NRG1: variants seen among roughly 807,000 people sequenced by gnomAD.
The protein encoded by NRG1 is neuregulin 1, also known as pro-neuregulin-1, membrane-bound isoform.
A neutral mutation model predicts 63.8 loss-of-function variants in NRG1; 18 were observed. The observed-to-expected ratio is 0.28, with a 90% CI of 0.19 to 0.42. NRG1 has a LOEUF of 0.42. Among genes scored for constraint, NRG1 ranks in the 10% least tolerant of loss-of-function variants. NRG1 has a pLI of 1.00. For missense variants in NRG1, 762 were observed against 814.7 expected (o/e 0.94, Z 0.79); for synonymous variants, 302 against 301.3 (o/e 1.00, Z -0.02).
intron 1 of NRG1, among the ~76,000 whole-genome samples, chr8:32,174,929 T>A (rs1300959564): frequency 1.3e-5 from 2 of 152,210 alleles, no homozygotes; most frequent in Non-Finnish European, 2.9e-5. Flanking sequence ...CCATTCCTTC[T>A]GAAACTATTC....
chr8:32,167,492 A>T (rs1439919262), intron 1 of NRG1, among the ~76,000 whole-genome samples: 1 of 152,194 alleles, frequency 6.6e-6, no homozygotes, highest in Non-Finnish European at 1.5e-5. Context: ...TTTCAGAAAA[A>T]GAAAAGTAAT....
intron 1 of NRG1, among the ~76,000 whole-genome samples, chr8:32,170,429 A>G (rs1839906454): frequency 6.6e-6 from 1 of 152,172 alleles, no homozygotes; most frequent in Non-Finnish European, 1.5e-5. Flanking sequence ...GCGTCTTAGC[A>G]GGTGAAATGC....
chr8:32,268,502 A>G (rs1217364005), intron 1 of NRG1, among the ~76,000 whole-genome samples: 2 of 152,160 alleles, frequency 1.3e-5, no homozygotes, highest in East Asian at 1.9e-4. Context: ...GGATCTGGGT[A>G]TTAAAAATAA....
chr8:31,783,322 G>GT (rs1350949671), intron 1 of NRG1, among the ~76,000 whole-genome samples: 1 of 152,088 alleles, frequency 6.6e-6, no homozygotes, highest in Admixed American at 6.6e-5. Flanking sequence ...TATAGCAATA[G>GT]TTTTTTTGCT....
rs4035492 is a variant in NRG1 at position 32,312,330 on chromosome 8, A to ATTTTTTTT, written c.38-283481_38-283474dup. 1.3e-3 allele frequency among the ~76,000 whole-genome samples: 117 copies of ATTTTTTTT among 89,160 alleles called. 3 individuals carry two copies. The highest frequency in any genetic ancestry group is 1.7e-3 in the Non-Finnish European group (85 of 51,054). 58.5% of individuals were successfully genotyped at this position (89,160 alleles called of 152,430 possible). ...AGGCGCAAGCCACCATGCCCAGCTA[A>ATTTTTTTT]TTTTTTTTTTTTTTTTTTTTTTTTA... On this transcript the variant is annotated intron_variant, in intron 1 of 10. Coordinates refer to the NRG1 transcript ENST00000519301.
At chr8:31,649,007 G>A (rs1291308414) in intron 1 of NRG1, among the ~76,000 whole-genome samples, 1 of 149,602 alleles carries the variant, frequency 6.7e-6, no homozygotes, top group East Asian at 2.0e-4. Flanking sequence ...CGCCCAGGCT[G>A]GAGTGCAGTG....
intron 1 of NRG1, among the ~76,000 whole-genome samples, chr8:32,211,625 A>T (rs1844709216): frequency 6.6e-6 from 1 of 152,170 alleles, no homozygotes; most frequent in African/African-American, 2.4e-5. Context: ...TTGCTTTGTT[A>T]TGCATTTCTG....
chr8:32,046,922 T>A (rs1320905370), intron 1 of NRG1, among the ~76,000 whole-genome samples: 1 of 152,062 alleles, frequency 6.6e-6, no homozygotes, highest in Non-Finnish European at 1.5e-5. Flanking sequence ...AAATTAATTT[T>A]AAAAATAAAA....
chr8:32,312,120 T>A (rs544174404), intron 1 of NRG1, among the ~76,000 whole-genome samples: 47 of 150,496 alleles, frequency 3.1e-4, no homozygotes, highest in Non-Finnish European at 6.2e-4. Context: ...TAGAACACGA[T>A]GAAGTGGAGC....
intron 1 of NRG1, among the ~76,000 whole-genome samples, chr8:32,073,810 G>A (rs995815084): frequency 6.6e-6 from 1 of 152,102 alleles, no homozygotes; most frequent in Admixed American, 6.5e-5. Flanking sequence ...TTTTTCATTT[G>A]GAGTTTATCC....
At chr8:32,008,990 AT>A (rs1203013558) in intron 1 of NRG1, among the ~76,000 whole-genome samples, 1 of 152,010 alleles carries the variant, frequency 6.6e-6, no homozygotes, top group Non-Finnish European at 1.5e-5. Context: ...CAGGTGGGAT[AT>A]TTTTGAAGAT....
intron 2 of NRG1, among the ~76,000 whole-genome samples, chr8:32,600,078 A>G (rs1844054236): frequency 6.6e-6 from 1 of 152,044 alleles, no homozygotes; most frequent in Non-Finnish European, 1.5e-5. Flanking sequence ...GGCATTCCAT[A>G]TGGTTTATGT....
At chr8:32,045,243 G>T (rs1259712016) in intron 1 of NRG1, among the ~76,000 whole-genome samples, 1 of 151,838 alleles carries the variant, frequency 6.6e-6, no homozygotes, top group African/African-American at 2.4e-5. Context: ...ATAGCTTTCA[G>T]AATGTGAAGC....
intron 1 of NRG1, among the ~76,000 whole-genome samples, chr8:31,915,738 G>A (rs764362888): frequency 6.6e-6 from 1 of 152,040 alleles, no homozygotes; most frequent in African/African-American, 2.4e-5. Flanking sequence ...ATGACATGAT[G>A]GATAGAGTAG....
rs138812477 is a variant in NRG1 at position 32,314,607 on chromosome 8, T to C, written c.38-281221T>C. Among the ~76,000 whole-genome samples, 518 of 152,308 alleles carry C rather than the reference T, an allele frequency of 3.4e-3. 1 individual carries two copies. Among genetic ancestry groups the C allele is most frequent in the African/African-American group, 0.012 (494 of 41,570 alleles). On this transcript the variant is annotated intron_variant, in intron 1 of 10. Transcript: ENST00000519301. ...GGTAGAACATTATTCATCTTGTTGGTCTTTCCAAAGAGATTCATTACTTCC... is the reference window on the plus strand; with the variant it reads ...GGTAGAACATTATTCATCTTGTTGGCCTTTCCAAAGAGATTCATTACTTCC...
In NRG1 at chr8:32,025,150, G is replaced by A. The variant is rs551944037; in HGVS notation, c.37+385719G>A. 9.9e-5 allele frequency among the ~76,000 whole-genome samples: 15 copies of A among 152,214 alleles called. 1 individual carries two copies. The South Asian group carries it at 3.1e-3, about 32-fold the overall frequency. On this transcript the variant is annotated intron_variant, in intron 1 of 10. Coordinates refer to the NRG1 transcript ENST00000519301. ...AATGCTGAAATATGTAGGTTAAAAT[G>A]TAATTAATCTACATTCCTATTTTTC...
intron 1 of NRG1, among the ~76,000 whole-genome samples, chr8:32,074,575 C>T (rs1249812356): frequency 1.3e-5 from 2 of 152,034 alleles, no homozygotes; most frequent in Non-Finnish European, 2.9e-5. Context: ...ATTCTTAGGG[C>T]AGTGCGTGTG....
chr8:32,200,139 C>CCT (rs1289593860), intron 1 of NRG1, among the ~76,000 whole-genome samples: 2 of 152,096 alleles, frequency 1.3e-5, no homozygotes, highest in Non-Finnish European at 1.5e-5. Flanking sequence ...TTGATAATTT[C>CCT]CTCCACTCCA....
chr8:32,138,791 G>A (rs972933212), intron 1 of NRG1, among the ~76,000 whole-genome samples: 4 of 152,052 alleles, frequency 2.6e-5, no homozygotes, highest in African/African-American at 9.6e-5. Flanking sequence ...TGTTTTCAAT[G>A]TTTTTGAACT....
Sources: allele counts gnomAD v4.1 joint callset (sites outside exome capture counted in the v4.1 genomes callset), GRCh38; gene constraint gnomAD v4.1.1; transcripts MANE v1.5; gene names NCBI Gene and HGNC (gene_info 2026-07-23, HGNC 2026-07-21).